WRNIP1: variants seen among roughly 807,000 people sequenced by gnomAD.
WRNIP1 encodes ATPase WRNIP1.
In WRNIP1, 41 loss-of-function variants were observed where a neutral mutation model predicts 56.1. That is an observed-to-expected ratio of 0.73 (90% CI 0.57 to 0.95). WRNIP1 has a LOEUF of 0.95. Ranked by LOEUF, WRNIP1 falls within the 40% of genes least tolerant of loss-of-function variation. The pLI, the probability that WRNIP1 is intolerant of heterozygous loss-of-function variation, is 0.00. For missense variants in WRNIP1, 1,170 were observed against 939.4 expected (o/e 1.25, Z -3.21); for synonymous variants, 547 against 398.1 (o/e 1.37, Z -4.45).
chr6:2,780,714 A>G (rs1765535024), intron 4 of WRNIP1, among the ~76,000 whole-genome samples: 1 of 152,174 alleles, frequency 6.6e-6, no homozygotes, highest in Non-Finnish European at 1.5e-5. Flanking sequence ...AAAGATTTTA[A>G]GACATTAAAA....
intron 3 of WRNIP1, chr6:2,774,306 C>G (rs1016243667): frequency 1.0e-5 from 10 of 983,368 alleles, no homozygotes; most frequent in Non-Finnish European, 1.2e-5. Flanking sequence ...TTGCCACAAA[C>G]TGGGTGGCTC....
Position 2,765,897 on chromosome 6 carries a change from G to T in WRNIP1, c.275G>T (p.Ser92Ile), listed in dbSNP as rs1486087114. The T allele has an allele frequency of 6.9e-7, 1 of 1,455,556 alleles. No homozygotes were observed. The highest frequency in any genetic ancestry group is 9.0e-7 in the Non-Finnish European group (1 of 1,105,768). 90.2% of individuals were successfully genotyped at this position (1,455,556 alleles called of 1,614,324 possible). ...QPATPTAAES[S>I]EGEGEEGDDG... is the part of the protein sequence containing the mutation. ...GCCACCCCGACGGCAGCCGAGAGCA[G>T]CGAGGGCGAGGGTGAGGAGGGCGAC... is the stretch of plus-strand genomic sequence containing the variant. The change falls in exon 1 of 7, where the codon AGC (serine) becomes ATC (isoleucine). Residue 92 changes from serine (S) to isoleucine (I), a missense_variant. Transcript: ENST00000380773.
At chr6:2,776,694 C>T (rs770201595) in intron 3 of WRNIP1, among the ~76,000 whole-genome samples, 36 of 152,172 alleles carry the variant, frequency 2.4e-4, no homozygotes, top group Non-Finnish European at 4.6e-4. Flanking sequence ...ATAAGGCCTG[C>T]CTCCCTGTCT....
chr6:2,768,364 C>G (rs905374142), intron 1 of WRNIP1, among the ~76,000 whole-genome samples: 1 of 152,166 alleles, frequency 6.6e-6, no homozygotes, highest in Non-Finnish European at 1.5e-5. Flanking sequence ...AGCTGTCACT[C>G]TGCTAAATCA....
At chr6:2,770,434 GC>G (rs2113459755) in intron 3 of WRNIP1, 73 bp downstream of exon 3, 1 of 1,583,990 alleles carries the variant, frequency 6.3e-7, no homozygotes, top group African/African-American at 1.3e-5. Context: ...GCCAGAAAGG[GC>G]CGGGCGTCAG....
intron 3 of WRNIP1, among the ~76,000 whole-genome samples, chr6:2,775,070 T>A (rs1349277638): frequency 6.6e-6 from 1 of 152,094 alleles, no homozygotes; most frequent in Non-Finnish European, 1.5e-5. Context: ...CACAAAAAGG[T>A]TAAGTAACAT....
At chr6:2,784,464 T>C in intron 6 of WRNIP1, 61 bp downstream of exon 6, 2 of 1,538,948 alleles carry the variant, frequency 1.3e-6, no homozygotes, top group Non-Finnish European at 1.8e-6. Flanking sequence ...TCTGTCCCTT[T>C]GTAGATTTGA....
In WRNIP1 at chr6:2,785,605, ATTTTC is replaced by A. The variant is rs545503580; in HGVS notation, c.*332_*336del. On this transcript the variant is annotated 3_prime_UTR_variant, in exon 7 of 7. Coordinates refer to ENST00000380773, the MANE Select transcript of WRNIP1 (RefSeq NM_020135.3). ...TCATTTCAGAATTCAGTTCTGTAGG[ATTTTC>A]TTTTCTTTAAAAAATGTATATTCTG... The A allele has an allele frequency of 1.2e-3, 323 of 276,384 alleles. 2 individuals are homozygous for A. The highest frequency in any genetic ancestry group is 6.5e-3 in the African/African-American group (294 of 45,456). 17.1% of individuals were successfully genotyped at this position (276,384 alleles called of 1,614,324 possible).
Position 2,766,334 on chromosome 6 carries a change from G to T in WRNIP1, c.712G>T (p.Asp238Tyr). The T allele has an allele frequency of 1.9e-6, 3 of 1,610,896 alleles. No homozygotes were observed. The highest frequency in any genetic ancestry group is 2.5e-6 in the Non-Finnish European group (3 of 1,179,086). The change falls in exon 1 of 7, where the codon GAT (aspartate) becomes TAT (tyrosine). Residue 238 changes from aspartate (D) to tyrosine (Y), a missense_variant. Transcript: ENST00000380773. The part of the protein sequence containing the change: ...ADTMRPDTLQ[D>Y]YFGQSKAVGQ... ...CACGATGCGTCCTGACACGCTGCAGGATTACTTCGGGCAGAGCAAGGCCGT... is the reference window on the plus strand; with the variant it reads ...CACGATGCGTCCTGACACGCTGCAGTATTACTTCGGGCAGAGCAAGGCCGT...
At chr6:2,771,705 C>A (rs1026143946) in intron 3 of WRNIP1, among the ~76,000 whole-genome samples, 7 of 152,046 alleles carry the variant, frequency 4.6e-5, no homozygotes, top group Admixed American at 6.5e-5. Flanking sequence ...ATTCTAAAAT[C>A]AAAAAAATAG....
At chr6:2,777,076 T>C (rs1765449753) in intron 3 of WRNIP1, among the ~76,000 whole-genome samples, 1 of 151,136 alleles carries the variant, frequency 6.6e-6, no homozygotes, top group South Asian at 2.1e-4. Context: ...GATCGTAAAG[T>C]CAGCACTTGG....
At chr6:2,770,005 C>T (rs972206823) in intron 2 of WRNIP1, 115 bp from the exon 3 acceptor site, 2 of 1,461,546 alleles carry the variant, frequency 1.4e-6, no homozygotes, top group Non-Finnish European at 1.9e-6. Context: ...GCTGCTATTC[C>T]TGAACTCGAA....
Position 2,768,230 on chromosome 6 carries a change from C to T in WRNIP1, c.823-461C>T, listed in dbSNP as rs1470077883. 3.9e-5 allele frequency among the ~76,000 whole-genome samples: 6 copies of T among 152,306 alleles called. No homozygotes were observed. In the South Asian group the frequency reaches 1.0e-3, roughly 26 times the overall value. ...GTCTCAAGGCAAATGCTCCCTCACT[C>T]TCCTTTTCTCAGCTGTCCTGAGCTT... On this transcript the variant is annotated intron_variant, in intron 1 of 6. Transcript: ENST00000380773.
intron 4 of WRNIP1, among the ~76,000 whole-genome samples, chr6:2,779,824 CAATG>C (rs1367370639): frequency 6.6e-6 from 1 of 152,156 alleles, no homozygotes; most frequent in African/African-American, 2.4e-5. Flanking sequence ...ATTCACTTGA[CAATG>C]AATATGTTTT....
In WRNIP1 at chr6:2,783,580, T is replaced by C. The variant is rs1182685209; in HGVS notation, c.1642+19T>C. The C allele has an allele frequency of 1.4e-6, 2 of 1,440,242 alleles. No homozygotes were observed. Among genetic ancestry groups the C allele is most frequent in the South Asian group, 1.2e-5 (1 of 84,574 alleles). The allele number at this position is 1,440,242 out of a possible 1,614,324, so 89.2% of individuals were successfully genotyped here. A position where few individuals can be genotyped will look rare whatever the true frequency, so the allele number is the denominator to read the frequency against. On this transcript the variant is annotated intron_variant, in intron 5 of 6. Coordinates refer to ENST00000380773, the MANE Select transcript of WRNIP1 (RefSeq NM_020135.3). ...GACATAGGTGAGTGTGATGGGAGGG[T>C]CCCGGAGTCCTATGTCCATGAGGGT... is the stretch of plus-strand genomic sequence containing the variant.
rs906417882 is a variant in WRNIP1, at chr6:2,785,416, C to T, written c.*134C>T. ...ATTTTGTGCCAGAAATTTAAGAGTT[C>T]CATAGGTGGAGGCGCAGTTCTTTCG... On this transcript the variant is annotated 3_prime_UTR_variant, in exon 7 of 7. Coordinates refer to ENST00000380773, the MANE Select transcript of WRNIP1 (RefSeq NM_020135.3). 6.0e-6 allele frequency: 6 copies of T among 1,005,234 alleles called. No homozygotes were observed. The African/African-American group carries it at 9.7e-5, about 16-fold the overall frequency. The allele number at this position is 1,005,234 out of a possible 1,614,324, so 62.3% of individuals were successfully genotyped here.
intron 3 of WRNIP1, among the ~76,000 whole-genome samples, chr6:2,778,849 C>G (rs776021555): frequency 6.6e-6 from 1 of 152,232 alleles, no homozygotes; most frequent in Non-Finnish European, 1.5e-5. Flanking sequence ...CTAAGCACAT[C>G]TGTCTCATCG....
rs757070921 is a variant in WRNIP1, at chr6:2,784,998, C to T, written c.1723-9C>T. ...TGCTAGTAAAATGTGTCCTCTGTGT[C>T]ATTGGTAGGTGCTTCTGGCCCAGTG... On this transcript the variant is annotated splice_polypyrimidine_tract_variant and intron_variant, in intron 6 of 6. Transcript: ENST00000380773. 32 of 1,613,412 alleles carry T rather than the reference C, an allele frequency of 2.0e-5. No individual in the cohort carries two copies. The highest frequency in any genetic ancestry group is 2.6e-5 in the Non-Finnish European group (31 of 1,179,702).
intron 2 of WRNIP1, among the ~76,000 whole-genome samples, chr6:2,769,110 C>T (rs952640576): frequency 1.4e-4 from 21 of 152,254 alleles, no homozygotes; most frequent in African/African-American, 5.1e-4. Flanking sequence ...TATCCCTGAG[C>T]TATACGTATC....
Sources: allele counts gnomAD v4.1 joint callset (sites outside exome capture counted in the v4.1 genomes callset), GRCh38; gene constraint gnomAD v4.1.1; transcripts MANE v1.5; gene names NCBI Gene and HGNC (gene_info 2026-07-23, HGNC 2026-07-21).